GAB2: variants seen among roughly 807,000 people sequenced by gnomAD.
GAB2 encodes GRB2-associated-binding protein 2.
Under a neutral mutation model 65.5 loss-of-function variants are expected in GAB2, and 26 were observed. The ratio of observed to expected loss-of-function variants is 0.40; its 90% confidence interval spans 0.29 to 0.55. The LOEUF (loss-of-function observed/expected upper bound fraction) is 0.55, where lower values mean the gene tolerates loss of function less well. GAB2 is among the 20% of genes least tolerant of loss of function. GAB2 has a pLI of 0.53. For missense variants in GAB2, 884 were observed against 875.8 expected (o/e 1.01, Z -0.12); for synonymous variants, 321 against 329.6 (o/e 0.97, Z 0.28).
At chr11:78,258,960 T>C (rs969768925) in intron 2 of GAB2, among the ~76,000 whole-genome samples, 1 of 152,170 alleles carries the variant, frequency 6.6e-6, no homozygotes, top group Admixed American at 6.5e-5. Context: ...GTACAGATTA[T>C]TTCATCACCC....
At position 78,250,200 on chromosome 11, in the gene GAB2, G is replaced by C; in HGVS notation, c.577C>G (p.Leu193Val). ...CGGCTTATGCACTGGTGCAAGTAGA[G>C]ATACTCCTGAGGTGCGCTGGTGGAC... ...TLSTSAPQEY[L>V]YLHQCISRRA... is the part of the protein sequence containing the mutation. Residue 193 changes from leucine (L) to valine (V), a missense_variant, in exon 3 of 10, where the codon CTC (leucine) becomes GTC (valine). Leu to Val is a conservative substitution (Grantham distance 32). Coordinates refer to ENST00000361507, the MANE Select transcript of GAB2 (RefSeq NM_080491.3). 1 of 1,613,382 alleles carries C rather than the reference G, an allele frequency of 6.2e-7. No homozygotes were observed. Among genetic ancestry groups the C allele is most frequent in the East Asian group, 2.2e-5 (1 of 44,832 alleles).
At chr11:78,241,280 G>A (rs1307515815) in intron 3 of GAB2, among the ~76,000 whole-genome samples, 1 of 152,146 alleles carries the variant, frequency 6.6e-6, no homozygotes, top group Non-Finnish European at 1.5e-5. Flanking sequence ...TTCTCAACTG[G>A]AACACTAAAA....
At chr11:78,269,357 A>G (rs1320502498) in intron 2 of GAB2, among the ~76,000 whole-genome samples, 1 of 152,246 alleles carries the variant, frequency 6.6e-6, no homozygotes, top group African/African-American at 2.4e-5. Flanking sequence ...AGGCCCTCCC[A>G]GGGATGAGAA....
intron 1 of GAB2, among the ~76,000 whole-genome samples, chr11:78,303,265 G>C (rs920561575): frequency 1.3e-5 from 2 of 151,912 alleles, no homozygotes; most frequent in Non-Finnish European, 2.9e-5. Flanking sequence ...CCTACCCCAA[G>C]GTCAAAAAGA....
chr11:78,304,142 T>C (rs995671215), intron 1 of GAB2, among the ~76,000 whole-genome samples: 3 of 152,138 alleles, frequency 2.0e-5, no homozygotes, highest in Non-Finnish European at 2.9e-5. Context: ...TAGAATTTCA[T>C]TTATCAAATT....
rs1010161486 is a variant in GAB2, at chr11:78,381,082, G to A, written c.75+36564C>T. On this transcript the variant is annotated intron_variant, in intron 1 of 9. Transcript: ENST00000361507. ...GTACTCAAATAGACTCTACTTAATC[G>A]TATTTTCTGAATCTCACTATTTAAG... Among the ~76,000 whole-genome samples, 7 of 152,048 alleles carry A rather than the reference G, an allele frequency of 4.6e-5. No individual in the cohort carries two copies. In the East Asian group the frequency reaches 5.8e-4, roughly 13 times the overall value.
intron 1 of GAB2, among the ~76,000 whole-genome samples, chr11:78,411,972 G>C (rs1167863693): frequency 6.6e-6 from 1 of 152,078 alleles, no homozygotes; most frequent in Non-Finnish European, 1.5e-5. Flanking sequence ...AGAGGTTGCA[G>C]TGAGCCAAGA....
At chr11:78,407,082 A>T (rs1173888079) in intron 1 of GAB2, among the ~76,000 whole-genome samples, 1 of 152,160 alleles carries the variant, frequency 6.6e-6, no homozygotes, top group African/African-American at 2.4e-5. Flanking sequence ...AAAAAAAATG[A>T]CCAGAGTCTA....
chr11:78,255,168 G>A (rs990883064), intron 2 of GAB2, among the ~76,000 whole-genome samples: 6 of 152,108 alleles, frequency 3.9e-5, no homozygotes, highest in African/African-American at 1.2e-4. Flanking sequence ...TCAAGGTAGA[G>A]ATCGAAATGA....
chr11:78,219,275 C>T lies in GAB2; in HGVS notation c.2028G>A (p.Leu676=), dbSNP rs1864298315. 1 of 1,613,128 alleles carries T rather than the reference C, an allele frequency of 6.2e-7. No individual in the cohort carries two copies. Among genetic ancestry groups the T allele is most frequent in the Non-Finnish European group, 8.5e-7 (1 of 1,179,898 alleles). ...GGGCTCTGCGGTGGCCCTCTCATCA[C>T]AGCTTGGCACCCTTGGAAGGCTCTG... The part of the protein sequence containing the change: ...QSSEPSKGAK[L] The change falls in exon 10 of 10, where the codon CTG becomes CTA. Residue 676 remains leucine, a synonymous_variant. Coordinates refer to ENST00000361507, the MANE Select transcript of GAB2 (RefSeq NM_080491.3).
chr11:78,220,410 C>T lies in GAB2; in HGVS notation c.1796G>A (p.Gly599Asp), dbSNP rs114040408. Reference protein sequence around the residue: ...NPVSASPVPSGTNSPAPKKST... With the variant: ...NPVSASPVPSDTNSPAPKKST... ...CTTCTTAGGGGCAGGACTGTTCGTG[C>T]CACTGGGAACGGGAGATGCAGACAC... Residue 599 changes from glycine to aspartate, a missense_variant, in exon 9 of 10, where the codon GGC becomes GAC. Transcript: ENST00000361507. The T allele has an allele frequency of 6.3e-7, 1 of 1,594,262 alleles. No homozygotes were observed. Among genetic ancestry groups the T allele is most frequent in the African/African-American group, 1.3e-5 (1 of 74,420 alleles).
intron 1 of GAB2, among the ~76,000 whole-genome samples, chr11:78,414,642 C>T (rs1857171074): frequency 6.6e-6 from 1 of 152,178 alleles, no homozygotes; most frequent in African/African-American, 2.4e-5. Context: ...CCTCCCACTG[C>T]AGCCATATCA....
At chr11:78,400,165 G>A (rs1856950862) in intron 1 of GAB2, among the ~76,000 whole-genome samples, 1 of 152,114 alleles carries the variant, frequency 6.6e-6, no homozygotes, top group Non-Finnish European at 1.5e-5. Context: ...CACTCTGGAT[G>A]GAATTTTACT....
intron 1 of GAB2, among the ~76,000 whole-genome samples, chr11:78,364,530 AACTCATTACCATTGATTTCATC>A (rs1856473757): frequency 6.6e-6 from 1 of 152,244 alleles, no homozygotes; most frequent in African/African-American, 2.4e-5. Context: ...TACTGGTAGC[AACTCATTACCATTGATTTCATC>A]ACCTACGAAT....
At chr11:78,244,755 T>C (rs1308967390) in intron 3 of GAB2, among the ~76,000 whole-genome samples, 1 of 149,702 alleles carries the variant, frequency 6.7e-6, no homozygotes, top group Non-Finnish European at 1.5e-5. Flanking sequence ...CTCACCCCAG[T>C]TGGGATGGCT....
At chr11:78,310,803 T>C (rs939908559) in intron 1 of GAB2, among the ~76,000 whole-genome samples, 3 of 152,124 alleles carry the variant, frequency 2.0e-5, no homozygotes, top group African/African-American at 4.8e-5. Context: ...GCAAAGTTCA[T>C]TGCCACAAAC....
chr11:78,371,976 G>A (rs1856576897), intron 1 of GAB2, among the ~76,000 whole-genome samples: 1 of 152,096 alleles, frequency 6.6e-6, no homozygotes, highest in African/African-American at 2.4e-5. Context: ...ACTATATTTT[G>A]TAGGGCTAGT....
intron 1 of GAB2, among the ~76,000 whole-genome samples, chr11:78,396,641 C>A (rs571335338): frequency 2.1e-4 from 32 of 152,146 alleles, no homozygotes; most frequent in African/African-American, 7.7e-4. Flanking sequence ...GAGTTTCACT[C>A]TTGTTGTCCA....
At chr11:78,221,322 C>T (rs1420034165) in intron 8 of GAB2, among the ~76,000 whole-genome samples, 1 of 152,190 alleles carries the variant, frequency 6.6e-6, no homozygotes, top group Non-Finnish European at 1.5e-5. Context: ...GAGTTATGTG[C>T]ACGTATGCCT....
Sources: gnomAD v4.1 joint callset for allele counts (sites outside exome capture counted in the v4.1 genomes callset) on GRCh38, gnomAD v4.1.1 for gene constraint, MANE v1.5 for transcripts, NCBI Gene and HGNC (gene_info 2026-07-23, HGNC 2026-07-21) for gene names.